Variants in ROBO2 observed in about 807,000 individuals in gnomAD.
ROBO2 encodes roundabout guidance receptor 2.
A neutral mutation model predicts 160.8 loss-of-function variants in ROBO2; 53 were observed. That is an observed-to-expected ratio of 0.33 (90% CI 0.26 to 0.41). The LOEUF (loss-of-function observed/expected upper bound fraction) is 0.41, where lower values mean the gene tolerates loss of function less well. Among genes scored for constraint, ROBO2 ranks in the 10% least tolerant of loss-of-function variants. The probability of loss-of-function intolerance (pLI) is 1.00; values close to 1 mark genes in which losing one functional copy is unlikely to be tolerated. For synonymous variants in ROBO2, 664 were observed against 611.7 expected (o/e 1.09, Z -1.26); for missense variants, 1,577 against 1,722.4 (o/e 0.92, Z 1.49).
chr3:76,070,101 T>C (rs2068396187), intron 2 of ROBO2, among the ~76,000 whole-genome samples: 1 of 152,152 alleles, frequency 6.6e-6, no homozygotes, highest in African/African-American at 2.4e-5. Flanking sequence ...ATAGAGCATG[T>C]GTGTTTAAGC....
At chr3:76,876,682 A>G (rs901781145) in intron 2 of ROBO2, among the ~76,000 whole-genome samples, 3 of 152,162 alleles carry the variant, frequency 2.0e-5, no homozygotes, top group African/African-American at 7.2e-5. Flanking sequence ...CTCAAGAAAA[A>G]AAAAAAAGAG....
At chr3:76,991,590 C>T (rs770197762) in intron 2 of ROBO2, among the ~76,000 whole-genome samples, 4 of 152,044 alleles carry the variant, frequency 2.6e-5, no homozygotes, top group Non-Finnish European at 2.9e-5. Context: ...GTTTTGAGGA[C>T]TTTCATTACG....
At chr3:77,530,080 C>T (rs1440963088) in intron 6 of ROBO2, among the ~76,000 whole-genome samples, 1 of 151,724 alleles carries the variant, frequency 6.6e-6, no homozygotes, top group Non-Finnish European at 1.5e-5. Context: ...TTTGTTAATG[C>T]ACTAAAAAGC....
chr3:77,271,665 T>C (rs1175588783), intron 2 of ROBO2, among the ~76,000 whole-genome samples: 2 of 152,146 alleles, frequency 1.3e-5, no homozygotes, highest in African/African-American at 2.4e-5. Flanking sequence ...TAGAAGAAAA[T>C]AAAATCAAAA....
intron 2 of ROBO2, among the ~76,000 whole-genome samples, chr3:76,127,732 A>T (rs888268274): frequency 1.3e-5 from 2 of 152,056 alleles, no homozygotes; most frequent in Admixed American, 1.3e-4. Context: ...CTTATAGGTT[A>T]TAACACTTAT....
intron 2 of ROBO2, among the ~76,000 whole-genome samples, chr3:76,806,242 T>TGA (rs2064702993): frequency 6.6e-6 from 1 of 151,482 alleles, no homozygotes; most frequent in Admixed American, 6.6e-5. Flanking sequence ...TGTGTGTGTG[T>TGA]GTTACTATAC....
chr3:77,644,402 T>G (rs1363635352), intron 24 of ROBO2, among the ~76,000 whole-genome samples: 1 of 152,154 alleles, frequency 6.6e-6, no homozygotes, highest in Non-Finnish European at 1.5e-5. Flanking sequence ...TTTGTTAAAC[T>G]GTAGTTCATT....
chr3:76,172,171 T>C (rs2073063268), intron 2 of ROBO2, among the ~76,000 whole-genome samples: 1 of 151,884 alleles, frequency 6.6e-6, no homozygotes, highest in Admixed American at 6.6e-5. Flanking sequence ...GATGAACTCA[T>C]CATTTTTTTA....
At chr3:77,466,575 A>G (rs2082783531) in intron 2 of ROBO2, among the ~76,000 whole-genome samples, 1 of 152,176 alleles carries the variant, frequency 6.6e-6, no homozygotes, top group Non-Finnish European at 1.5e-5. Flanking sequence ...AATTAGCAGA[A>G]TCAAGTTGTG....
intron 2 of ROBO2, among the ~76,000 whole-genome samples, chr3:76,505,219 G>A (rs747301701): frequency 3.3e-5 from 5 of 152,098 alleles, no homozygotes; most frequent in Non-Finnish European, 7.4e-5. Context: ...AAAGGAGTAC[G>A]ACTGATGATT....
chr3:77,447,722 G>A (rs2080697810), intron 2 of ROBO2, among the ~76,000 whole-genome samples: 1 of 152,040 alleles, frequency 6.6e-6, no homozygotes, highest in Non-Finnish European at 1.5e-5. Context: ...CTCATCTGCT[G>A]GTTCCCAAAT....
intron 2 of ROBO2, among the ~76,000 whole-genome samples, chr3:76,261,168 ATGTGTGTG>A (rs66742168): frequency 1.6e-3 from 200 of 122,854 alleles, no homozygotes; most frequent in East Asian, 0.011. Context: ...AAACTAAATT[ATGTGTGTG>A]TGTGTGTGTG....
At chr3:77,494,826 A>G (rs1191942013) in intron 5 of ROBO2, among the ~76,000 whole-genome samples, 1 of 152,248 alleles carries the variant, frequency 6.6e-6, no homozygotes, top group Non-Finnish European at 1.5e-5. Flanking sequence ...TGCATCAACC[A>G]TTTATAATAG....
chr3:76,295,975 T>G lies in ROBO2; in HGVS notation c.109+358373T>G, dbSNP rs111855114. 6.2e-4 allele frequency among the ~76,000 whole-genome samples: 95 copies of G among 152,324 alleles called. 1 individual carries two copies. The highest frequency in any genetic ancestry group is 1.9e-3 in the African/African-American group (81 of 41,568). On this transcript the variant is annotated intron_variant, in intron 2 of 26. Transcript: ENST00000487694. ...CAATAAGTTATTTATAAGATACATTTTCATCTGCGTAGGCTGAAAAATGAC... is the reference window on the plus strand; with the variant it reads ...CAATAAGTTATTTATAAGATACATTGTCATCTGCGTAGGCTGAAAAATGAC...
intron 2 of ROBO2, among the ~76,000 whole-genome samples, chr3:77,445,745 A>C (rs2080410998): frequency 6.6e-6 from 1 of 151,124 alleles, no homozygotes; most frequent in African/African-American, 2.4e-5. Context: ...TAATTGTAGT[A>C]GCATATAAAG....
At chr3:76,648,262 T>C (rs909155837) in intron 2 of ROBO2, among the ~76,000 whole-genome samples, 16 of 152,110 alleles carry the variant, frequency 1.1e-4, no homozygotes, top group Admixed American at 3.9e-4. Context: ...CTTTTGATGC[T>C]GTGAAAAAGA....
At chr3:76,191,409 A>G (rs1184074073) in intron 2 of ROBO2, among the ~76,000 whole-genome samples, 5 of 152,164 alleles carry the variant, frequency 3.3e-5, no homozygotes. Flanking sequence ...ACTGGGAAGG[A>G]TACTCAGAGG....
chr3:76,524,826 TAAAAAAAAAA>T (rs58091252), intron 2 of ROBO2, among the ~76,000 whole-genome samples: 12 of 21,736 alleles, frequency 5.5e-4, no homozygotes, highest in South Asian at 2.4e-3. Flanking sequence ...CTCTTATTCC[TAAAAAAAAAA>T]AAAAAAAAAA....
At chr3:76,228,169 G>T (rs1333177423) in intron 2 of ROBO2, among the ~76,000 whole-genome samples, 1 of 152,026 alleles carries the variant, frequency 6.6e-6, no homozygotes, top group Non-Finnish European at 1.5e-5. Flanking sequence ...TCTACCAAAG[G>T]ATTCTCCATA....
Sources: gnomAD v4.1 joint callset for allele counts (sites outside exome capture counted in the v4.1 genomes callset) on GRCh38, gnomAD v4.1.1 for gene constraint, MANE v1.5 for transcripts, NCBI Gene and HGNC (gene_info 2026-07-23, HGNC 2026-07-21) for gene names.